Variants in TAX1BP1 observed in about 807,000 individuals in gnomAD.
TAX1BP1 encodes the protein tax1-binding protein 1.
TAX1BP1 carries 62 observed loss-of-function variants against 97.7 expected under a neutral mutation model. The ratio of observed to expected loss-of-function variants is 0.63; its 90% CI spans 0.52 to 0.78. TAX1BP1 has a LOEUF of 0.78. TAX1BP1 is among the 30% of genes least tolerant of loss of function. The pLI, the probability that TAX1BP1 is intolerant of heterozygous loss-of-function variation, is 0.00. For synonymous variants in TAX1BP1, 340 were observed against 304.2 expected, an observed-to-expected ratio of 1.12 and a Z score of -1.23; for missense variants, 867 against 916.1, an observed-to-expected ratio of 0.95 and a Z score of 0.69.
intron 7 of TAX1BP1, among the ~76,000 whole-genome samples, chr7:27,786,595 G>C (rs1789491621): frequency 6.6e-6 from 1 of 152,152 alleles, no homozygotes; most frequent in South Asian, 2.1e-4. Context: ...TCCGTTTCTT[G>C]TTAAGTCAAT....
rs1402688978 is a variant in TAX1BP1, at chr7:27,748,668, T to C, written c.144T>C (p.Asp48=). The C allele has an allele frequency of 6.4e-7, 1 of 1,554,154 alleles. No individual in the cohort carries two copies. Among genetic ancestry groups the C allele is most frequent in the African/African-American group, 1.4e-5 (1 of 73,674 alleles). Residue 48 remains aspartate (D), a synonymous_variant, in exon 2 of 17, where the codon GAT becomes GAC. Transcript: ENST00000396319. ...CATATATTCATCCACATCCAAAAGA[T>C]TGGGTTGGTATATTCAAGGTAAGAA... ...LTPYIHPHPK[D]WVGIFKVGWS...
intron 13 of TAX1BP1, among the ~76,000 whole-genome samples, chr7:27,805,487 A>G (rs1395206207): frequency 6.6e-6 from 1 of 152,054 alleles, no homozygotes; most frequent in Non-Finnish European, 1.5e-5. Flanking sequence ...TGTGTAGTCT[A>G]AAGTGTGGTA....
rs1437764732 is a variant in TAX1BP1 at position 27,775,233 on chromosome 7, G to T, written c.612+5399G>T. On this transcript the variant is annotated intron_variant, in intron 5 of 16. Transcript: ENST00000396319. Reference sequence around the variant, plus strand: ...TCCATTTCAGAAAGGATAAATTGTGGGAAAAAATCAGCATATAGTTTTAGT... The same window carrying T: ...TCCATTTCAGAAAGGATAAATTGTGTGAAAAAATCAGCATATAGTTTTAGT... Among the ~76,000 whole-genome samples, 5 of 152,128 alleles carry T rather than the reference G, an allele frequency of 3.3e-5. No individual in the cohort carries two copies. The East Asian group carries it at 9.7e-4, about 29-fold the overall frequency.
intron 13 of TAX1BP1, chr7:27,803,027 A>G (rs1790197269): frequency 1.5e-6 from 2 of 1,311,532 alleles, no homozygotes; most frequent in South Asian, 1.8e-5. Flanking sequence ...TATTTTCGTA[A>G]AACAGTATAA....
intron 5 of TAX1BP1, among the ~76,000 whole-genome samples, chr7:27,774,931 C>T (rs751757005): frequency 1.9e-4 from 29 of 152,230 alleles, no homozygotes; most frequent in Middle Eastern, 3.4e-3. Flanking sequence ...AACTGTGCCA[C>T]ATTGCCCATT....
At chr7:27,795,614 G>A (rs879465288) in intron 11 of TAX1BP1, among the ~76,000 whole-genome samples, 10 of 152,110 alleles carry the variant, frequency 6.6e-5, no homozygotes, top group Non-Finnish European at 1.5e-4. Flanking sequence ...GTGCAGTGGC[G>A]TGATCTCAGC....
At chr7:27,766,070 A>T (rs1265856018) in intron 4 of TAX1BP1, 49 bp downstream of exon 4, 1 of 1,550,168 alleles carries the variant, frequency 6.5e-7, no homozygotes, top group Non-Finnish European at 8.8e-7. Flanking sequence ...TTAAGAACAG[A>T]GCTCATGTTG....
chr7:27,801,441 C>G (rs1424143512), intron 13 of TAX1BP1, among the ~76,000 whole-genome samples: 1 of 152,008 alleles, frequency 6.6e-6, no homozygotes, highest in East Asian at 1.9e-4. Flanking sequence ...TAACTGGAAC[C>G]TTCCTTAATT....
chr7:27,803,126 A>G (rs1262633632), intron 13 of TAX1BP1: 1 of 1,547,708 alleles, frequency 6.5e-7, no homozygotes, highest in Non-Finnish European at 8.7e-7. Flanking sequence ...TGGCAGAGAA[A>G]GACAAAGAAA....
At chr7:27,793,903 G>T (rs1259512278) in intron 10 of TAX1BP1, among the ~76,000 whole-genome samples, 6 of 152,136 alleles carry the variant, frequency 3.9e-5, no homozygotes, top group Middle Eastern at 3.2e-3. Context: ...TACTTTCCTG[G>T]TCCTACTTTT....
chr7:27,762,448 C>T (rs1187252070), intron 3 of TAX1BP1, among the ~76,000 whole-genome samples: 1 of 147,320 alleles, frequency 6.8e-6, no homozygotes, highest in Non-Finnish European at 1.5e-5. Context: ...GTAATCTCAG[C>T]TGTTTGGGAG....
intron 1 of TAX1BP1, among the ~76,000 whole-genome samples, chr7:27,742,254 T>C: frequency 6.6e-6 from 1 of 152,192 alleles, no homozygotes; most frequent in Non-Finnish European, 1.5e-5. Flanking sequence ...CGAGGCCATA[T>C]TTCAGACTAT....
chr7:27,758,014 T>C lies in TAX1BP1; in HGVS notation c.163-17T>C, dbSNP rs763357321. The C allele has an allele frequency of 1.6e-5, 25 of 1,581,724 alleles. No individual in the cohort carries two copies. In the South Asian group the frequency reaches 2.0e-4, roughly 13 times the overall value. On this transcript the variant is annotated splice_polypyrimidine_tract_variant and intron_variant, in intron 2 of 16. Coordinates refer to ENST00000396319, the MANE Select transcript of TAX1BP1 (RefSeq NM_006024.7). The stretch of plus-strand genomic sequence containing the variant: ...CTATTTGCTTATAAATCCGCCTTTT[T>C]TGTTATTTCCCTTTAGGTTGGATGG...
intron 1 of TAX1BP1, among the ~76,000 whole-genome samples, chr7:27,746,181 AC>A (rs1787807769): frequency 6.6e-6 from 1 of 152,186 alleles, no homozygotes; most frequent in Admixed American, 6.5e-5. Context: ...TTGATTAAAA[AC>A]ATGGGACGTT....
At chr7:27,809,898 C>T (rs1156618952) in intron 13 of TAX1BP1, among the ~76,000 whole-genome samples, 1 of 150,512 alleles carries the variant, frequency 6.6e-6, no homozygotes, top group East Asian at 1.9e-4. Context: ...TTATCTCTAA[C>T]TTCTTTTGTG....
At chr7:27,814,530 CTCT>C (rs1790688605) in intron 13 of TAX1BP1, among the ~76,000 whole-genome samples, 1 of 152,042 alleles carries the variant, frequency 6.6e-6, no homozygotes, top group Non-Finnish European at 1.5e-5. Flanking sequence ...TTTGTTTATG[CTCT>C]TCTTAATGCA....
Position 27,765,817 on chromosome 7 carries a change from T to A in TAX1BP1, c.266-17T>A, listed in dbSNP as rs754747156. ...TAATAGGAAGTTTAATAATTTTGTT[T>A]GTTAACTTCCTCTTAGGATATTACC... On this transcript the variant is annotated splice_polypyrimidine_tract_variant and intron_variant, in intron 3 of 16. Coordinates refer to ENST00000396319, the MANE Select transcript of TAX1BP1 (RefSeq NM_006024.7). 6.3e-7 allele frequency: 1 copy of A among 1,587,134 alleles called. No individual in the cohort carries two copies.
At chr7:27,786,225 G>T (rs536746911) in intron 7 of TAX1BP1, among the ~76,000 whole-genome samples, 1 of 150,858 alleles carries the variant, frequency 6.6e-6, no homozygotes, top group Non-Finnish European at 1.5e-5. Flanking sequence ...TCTGCCTCTC[G>T]GGTTCACGCC....
intron 2 of TAX1BP1, among the ~76,000 whole-genome samples, chr7:27,754,410 ATTATAC>A (rs1788134552): frequency 6.7e-6 from 1 of 148,420 alleles, no homozygotes; most frequent in Non-Finnish European, 1.5e-5. Flanking sequence ...AATATTTATA[ATTATAC>A]TTATTTATAA....
Sources: gnomAD v4.1 joint callset for allele counts (sites outside exome capture counted in the v4.1 genomes callset) on GRCh38, gnomAD v4.1.1 for gene constraint, MANE v1.5 for transcripts, NCBI Gene and HGNC (gene_info 2026-07-23, HGNC 2026-07-21) for gene names.